CACNA2D1: variants seen among roughly 807,000 people sequenced by gnomAD.
The protein encoded by CACNA2D1 is voltage-dependent calcium channel subunit alpha-2/delta-1.
Under a neutral mutation model 171.5 loss-of-function variants are expected in CACNA2D1, and 53 were observed. That is an observed-to-expected ratio of 0.31 (90% CI 0.25 to 0.39). The LOEUF (loss-of-function observed/expected upper bound fraction) is 0.39, where lower values mean the gene tolerates loss of function less well. Among genes scored for constraint, CACNA2D1 ranks in the 10% least tolerant of loss-of-function variants. The pLI is 1.00. For missense variants in CACNA2D1, 903 were observed against 1,299.8 expected (o/e 0.69, Z 4.69); for synonymous variants, 442 against 443.1 (o/e 1.00, Z 0.03).
rs1810282270 is a variant in CACNA2D1, at chr7:82,085,051, T to G, written c.527-151A>C. ...TAGTTATCAACAAGTTTTCGACACT[T>G]TAGAGGACAGTTTGACTGGATCTAC... On this transcript the variant is annotated intron_variant, in intron 6 of 38. Transcript: ENST00000356860. 3.0e-5 allele frequency: 21 copies of G among 702,676 alleles called. No individual in the cohort carries two copies. In the East Asian group the frequency reaches 5.7e-4, roughly 19 times the overall value. The allele number at this position is 702,676 out of a possible 1,614,324, so 43.5% of individuals were successfully genotyped here.
intron 26 of CACNA2D1, 57 bp from the exon 27 acceptor site, chr7:81,970,794 G>C: frequency 2.0e-6 from 2 of 994,924 alleles, no homozygotes; most frequent in Non-Finnish European, 3.2e-6. Context: ...AAAAAACAAA[G>C]TTAGGTGTTG....
intron 3 of CACNA2D1, among the ~76,000 whole-genome samples, chr7:82,238,929 T>A (rs1205793038): frequency 6.6e-6 from 1 of 152,040 alleles, no homozygotes; most frequent in Admixed American, 6.6e-5. Context: ...AATCACAATA[T>A]CTGACCCAAG....
rs76305236 is a variant in CACNA2D1, at chr7:82,356,391, G to A, written c.96-6742C>T. The stretch of plus-strand genomic sequence containing the variant: ...GGAATTAATCTCCCACTTCCATCGC[G>A]AATGGATAAATCACACTAATATTCT... On this transcript the variant is annotated intron_variant, in intron 1 of 38. Transcript: ENST00000356860. 5.2e-3 allele frequency among the ~76,000 whole-genome samples: 784 copies of A among 152,050 alleles called. 19 individuals carry two copies. In the East Asian group the frequency reaches 0.081, roughly 16 times the overall value.
At chr7:82,064,127 A>C (rs879471529) in intron 9 of CACNA2D1, among the ~76,000 whole-genome samples, 177 bp downstream of exon 9, 6 of 151,960 alleles carry the variant, frequency 3.9e-5, no homozygotes, top group Admixed American at 3.9e-4. Flanking sequence ...TGTTTAATTA[A>C]ATAATTTGTT....
chr7:82,041,107 A>G (rs1379012819), intron 10 of CACNA2D1, among the ~76,000 whole-genome samples: 1 of 152,082 alleles, frequency 6.6e-6, no homozygotes, highest in African/African-American at 2.4e-5. Flanking sequence ...ATGCAGGCAA[A>G]TCTGCAAAGT....
At chr7:82,353,225 G>A (rs887673818) in intron 1 of CACNA2D1, among the ~76,000 whole-genome samples, 5 of 152,074 alleles carry the variant, frequency 3.3e-5, no homozygotes, top group African/African-American at 4.8e-5. Flanking sequence ...TAGCTCAACA[G>A]AAATTCTGAA....
At position 81,971,970 on chromosome 7, in the gene CACNA2D1, T is replaced by A; in HGVS notation, c.2054-106A>T. 6.8e-6 allele frequency: 5 copies of A among 732,638 alleles called. No individual in the cohort carries two copies. In the South Asian group the frequency reaches 7.9e-5, roughly 12 times the overall value. The allele number at this position is 732,638 out of a possible 1,614,324, so 45.4% of individuals were successfully genotyped here. A position where few individuals can be genotyped will look rare whatever the true frequency, so the allele number is the denominator to read the frequency against. On this transcript the variant is annotated intron_variant, in intron 25 of 38. Transcript: ENST00000356860. ...AAGCAATTTAGAGTAGATATTTCTA[T>A]GAATTTTAAAATATATTCCACATTC...
intron 23 of CACNA2D1, 49 bp from the exon 24 acceptor site, chr7:81,982,676 C>T: frequency 9.0e-7 from 1 of 1,105,028 alleles, no homozygotes; most frequent in East Asian, 2.4e-5. Flanking sequence ...GAGTATATAT[C>T]CAGAGATTCT....
At chr7:81,997,989 G>A (rs373640151) in intron 18 of CACNA2D1, among the ~76,000 whole-genome samples, 3 of 151,664 alleles carry the variant, frequency 2.0e-5, no homozygotes, top group African/African-American at 7.3e-5. Flanking sequence ...AAAGAACACT[G>A]GGGAATAAGA....
intron 2 of CACNA2D1, among the ~76,000 whole-genome samples, chr7:82,345,358 G>A (rs1310524014): frequency 6.6e-6 from 1 of 152,158 alleles, no homozygotes; most frequent in African/African-American, 2.4e-5. Context: ...TGAATCAAAA[G>A]CCAGGAAGTT....
intron 3 of CACNA2D1, among the ~76,000 whole-genome samples, chr7:82,313,841 C>T (rs540579740): frequency 1.1e-4 from 17 of 152,108 alleles, no homozygotes; most frequent in African/African-American, 3.9e-4. Flanking sequence ...AATAGGATTT[C>T]GAGTATTTCT....
chr7:82,045,134 T>C (rs535195150), intron 10 of CACNA2D1, among the ~76,000 whole-genome samples: 8 of 152,138 alleles, frequency 5.3e-5, no homozygotes, highest in Non-Finnish European at 1.0e-4. Flanking sequence ...AAAAAATGCT[T>C]TCTAGGTTAT....
intron 7 of CACNA2D1, among the ~76,000 whole-genome samples, chr7:82,082,128 C>G (rs1436172044): frequency 2.0e-5 from 3 of 152,188 alleles, no homozygotes; most frequent in Non-Finnish European, 2.9e-5. Flanking sequence ...CAGTCCCTTG[C>G]TCCACTCTGG....
chr7:82,334,071 AGAG>A (rs1335582154), intron 3 of CACNA2D1, among the ~76,000 whole-genome samples: 1 of 152,190 alleles, frequency 6.6e-6, no homozygotes, highest in African/African-American at 2.4e-5. Flanking sequence ...ATTTCACTGA[AGAG>A]GAAACAAGAA....
chr7:81,974,805 T>A (rs544950790), intron 24 of CACNA2D1, among the ~76,000 whole-genome samples: 1 of 151,790 alleles, frequency 6.6e-6, no homozygotes, highest in South Asian at 2.1e-4. Flanking sequence ...GTAGTTATAC[T>A]ATTATCATTG....
At chr7:82,143,134 A>G (rs1792589564) in intron 4 of CACNA2D1, among the ~76,000 whole-genome samples, 1 of 152,132 alleles carries the variant, frequency 6.6e-6, no homozygotes. Flanking sequence ...CTGTCATTAT[A>G]TTTGTTTGAA....
At chr7:82,103,181 G>A (rs879371752) in intron 6 of CACNA2D1, among the ~76,000 whole-genome samples, 13 of 152,008 alleles carry the variant, frequency 8.6e-5, no homozygotes, top group Non-Finnish European at 1.6e-4. Context: ...GGTGGCAGGC[G>A]CCTGTAATCC....
intron 10 of CACNA2D1, among the ~76,000 whole-genome samples, chr7:82,055,918 A>ATG (rs541931399): frequency 0.029 from 1,577 of 53,906 alleles, 20 homozygotes; most frequent in Non-Finnish European, 0.049. Flanking sequence ...TATAATAAAT[A>ATG]TGTGTGTGTG....
chr7:81,952,960 C>T (rs1342054522), intron 38 of CACNA2D1, among the ~76,000 whole-genome samples: 1 of 151,958 alleles, frequency 6.6e-6, no homozygotes. Context: ...CAGTAAATAG[C>T]ATGGCATGAT....
Sources: allele counts gnomAD v4.1 joint callset (sites outside exome capture counted in the v4.1 genomes callset), GRCh38; gene constraint gnomAD v4.1.1; transcripts MANE v1.5; gene names NCBI Gene and HGNC (gene_info 2026-07-23, HGNC 2026-07-21).